The following PCDH15 variants were observed in gnomAD, a reference collection of about 807,000 sequenced individuals.
PCDH15 encodes the protein protocadherin related 15, also known as protocadherin-15.
In PCDH15, 129 loss-of-function variants were observed where a neutral mutation model predicts 178.5. The ratio of observed to expected loss-of-function variants is 0.72; its 90% confidence interval spans 0.63 to 0.84. The LOEUF is 0.84. Among genes scored for constraint, PCDH15 ranks in the 40% least tolerant of loss-of-function variants. The pLI, the probability that PCDH15 is intolerant of heterozygous loss-of-function variation, is 0.00. For missense variants in PCDH15, 2,230 were observed against 2,099.9 expected, an observed-to-expected ratio of 1.06 and a Z score of -1.21; for synonymous variants, 800 against 732.0, an observed-to-expected ratio of 1.09 and a Z score of -1.50.
rs1170001630 is a variant in PCDH15 at position 53,806,426 on chromosome 10, A to G, written c.*153T>C. 3.0e-6 allele frequency: 2 copies of G among 669,448 alleles called. No homozygotes were observed. Among genetic ancestry groups the G allele is most frequent in the Admixed American group, 3.1e-5 (1 of 32,698 alleles). The allele number at this position is 669,448 out of a possible 1,614,324, so 41.5% of individuals were successfully genotyped here. On this transcript the variant is annotated 3_prime_UTR_variant, in exon 38 of 38. Coordinates refer to ENST00000644397, the MANE Select transcript of PCDH15 (RefSeq NM_001384140.1). ...ATTAATTGATAACAATGTGAGTGCA[A>G]ATCTGTCTCTTAAAATTTTAAAGCA...
chr10:53,808,907 G>A, intron 37 of PCDH15: 1 of 1,579,450 alleles, frequency 6.3e-7, no homozygotes, highest in Non-Finnish European at 8.6e-7. Context: ...GGGATATCTT[G>A]AGCTTCAGGG....
chr10:54,516,994 A>T (rs1023169670), intron 3 of PCDH15, among the ~76,000 whole-genome samples: 2 of 152,090 alleles, frequency 1.3e-5, no homozygotes, highest in African/African-American at 4.8e-5. Context: ...AAAATACTTT[A>T]CAGACAAGCA....
chr10:55,047,206 C>A (rs147638562), intron 2 of PCDH15, among the ~76,000 whole-genome samples: 1 of 151,748 alleles, frequency 6.6e-6, no homozygotes, highest in South Asian at 2.1e-4. Context: ...ATACTTAATA[C>A]TATTTAATTC....
In PCDH15 at chr10:55,178,555, C is replaced by A. The variant is rs139920514; in HGVS notation, c.-155-11904G>T. 6.4e-3 allele frequency among the ~76,000 whole-genome samples: 971 copies of A among 152,174 alleles called. 16 individuals carry two copies. Among genetic ancestry groups the A allele is most frequent in the African/African-American group, 0.022 (933 of 41,532 alleles). Reference sequence around the variant, plus strand: ...TTCTCAGGTCTGGGTTGGGAGGGACCTTACAGTGTACTTCTTTCTACTTCT... The same window carrying A: ...TTCTCAGGTCTGGGTTGGGAGGGACATTACAGTGTACTTCTTTCTACTTCT... On this transcript the variant is annotated intron_variant, in intron 1 of 5. Transcript: ENST00000458638.
chr10:55,359,781 T>TAC (rs1184864291), intron 2 of PCDH15, among the ~76,000 whole-genome samples: 4 of 148,638 alleles, frequency 2.7e-5, no homozygotes, highest in Non-Finnish European at 5.9e-5. Context: ...CATATATATA[T>TAC]ATAAACAATG....
chr10:54,429,521 A>G (rs1253879309), intron 3 of PCDH15, among the ~76,000 whole-genome samples: 3 of 152,294 alleles, frequency 2.0e-5, no homozygotes, highest in Admixed American at 6.5e-5. Flanking sequence ...TGCTTCAATC[A>G]TAAGACACAG....
intron 2 of PCDH15, among the ~76,000 whole-genome samples, chr10:54,988,900 G>A (rs1839437175): frequency 6.6e-6 from 1 of 152,162 alleles, no homozygotes; most frequent in Non-Finnish European, 1.5e-5. Flanking sequence ...GGGCATGTCA[G>A]AAATCTTCAC....
intron 21 of PCDH15, among the ~76,000 whole-genome samples, chr10:53,987,201 A>C (rs1169738229): frequency 1.3e-5 from 2 of 152,132 alleles, no homozygotes; most frequent in Non-Finnish European, 2.9e-5. Flanking sequence ...TTGGCTTCAC[A>C]CTTTATAATT....
At chr10:53,901,227 T>G (rs1245244672) in intron 26 of PCDH15, among the ~76,000 whole-genome samples, 1 of 152,048 alleles carries the variant, frequency 6.6e-6, no homozygotes, top group Admixed American at 6.6e-5. Context: ...CTCTCAAGTC[T>G]AGATCAGCAT....
intron 1 of PCDH15, among the ~76,000 whole-genome samples, chr10:55,294,606 T>C (rs1843088817): frequency 6.6e-6 from 1 of 152,226 alleles, no homozygotes; most frequent in Non-Finnish European, 1.5e-5. Flanking sequence ...TGATATGTTC[T>C]GCTCATTAAA....
chr10:54,695,059 T>C (rs1400293901), intron 1 of PCDH15, among the ~76,000 whole-genome samples: 1 of 110,612 alleles, frequency 9.0e-6, no homozygotes, highest in African/African-American at 3.6e-5. Context: ...GGGCCTGTTG[T>C]GGGGTAGGGG....
At chr10:54,083,581 T>C (rs958866268) in intron 16 of PCDH15, among the ~76,000 whole-genome samples, 1 of 152,158 alleles carries the variant, frequency 6.6e-6, no homozygotes, top group East Asian at 1.9e-4. Flanking sequence ...AGTAGGTAAC[T>C]TGATGAAGCC....
chr10:54,232,555 G>A (rs906135541), intron 9 of PCDH15, among the ~76,000 whole-genome samples: 23 of 152,128 alleles, frequency 1.5e-4, no homozygotes, highest in Admixed American at 4.6e-4. Context: ...TACTAAGTCA[G>A]TCTATTAACT....
At chr10:54,396,581 C>T (rs1453365492) in intron 3 of PCDH15, among the ~76,000 whole-genome samples, 2 of 152,010 alleles carry the variant, frequency 1.3e-5, no homozygotes, top group Admixed American at 1.3e-4. Flanking sequence ...ATTCTCTTTC[C>T]AACACTCTTC....
intron 18 of PCDH15, among the ~76,000 whole-genome samples, chr10:54,054,887 A>T (rs1009746403): frequency 6.6e-6 from 1 of 152,170 alleles, no homozygotes; most frequent in Non-Finnish European, 1.5e-5. Flanking sequence ...GAGAACTCAT[A>T]AAATTCCCCA....
At chr10:54,096,225 C>A (rs2094697047) in intron 15 of PCDH15, among the ~76,000 whole-genome samples, 1 of 151,806 alleles carries the variant, frequency 6.6e-6, no homozygotes, top group African/African-American at 2.4e-5. Flanking sequence ...CTTGCTTGAA[C>A]CAACACCAAG....
intron 2 of PCDH15, among the ~76,000 whole-genome samples, chr10:54,987,109 T>C (rs10160012): frequency 0.36 from 55,299 of 151,818 alleles, 12,240 homozygotes; most frequent in African/African-American, 0.62. Context: ...AGTGAGAACA[T>C]GTGGTGTTCG....
At chr10:54,605,015 C>T (rs1404351696) in intron 2 of PCDH15, among the ~76,000 whole-genome samples, 1 of 151,800 alleles carries the variant, frequency 6.6e-6, no homozygotes, top group Non-Finnish European at 1.5e-5. Flanking sequence ...GATAACTTCT[C>T]TTCCACACAA....
At chr10:54,358,511 A>G (rs922326220) in intron 5 of PCDH15, among the ~76,000 whole-genome samples, 9 of 152,172 alleles carry the variant, frequency 5.9e-5, no homozygotes, top group Non-Finnish European at 1.2e-4. Context: ...TCAGGGAACA[A>G]CAAATGCTGG....
Sources: gnomAD v4.1 joint callset for allele counts (sites outside exome capture counted in the v4.1 genomes callset) on GRCh38, gnomAD v4.1.1 for gene constraint, MANE v1.5 for transcripts, NCBI Gene and HGNC (gene_info 2026-07-23, HGNC 2026-07-21) for gene names.